The following PDCD4 variants were observed in gnomAD, a reference collection of about 807,000 sequenced individuals.
PDCD4 encodes the protein programmed cell death protein 4.
PDCD4 carries 56 observed loss-of-function variants against 54.0 expected under a neutral mutation model. That is an observed-to-expected ratio of 1.04 (90% CI 0.84 to 1.30). The LOEUF (loss-of-function observed/expected upper bound fraction) is 1.30, where lower values mean the gene tolerates loss of function less well. Ranked by LOEUF, PDCD4 falls within the 50% of genes most tolerant of loss-of-function variation. PDCD4 has a pLI of 0.00. For synonymous variants in PDCD4, 186 were observed against 194.8 expected, an observed-to-expected ratio of 0.95 and a Z score of 0.37; for missense variants, 584 against 559.8, an observed-to-expected ratio of 1.04 and a Z score of -0.44.
chr10:110,897,005 A>G (rs557330077), intron 11 of PDCD4, among the ~76,000 whole-genome samples: 2 of 152,352 alleles, frequency 1.3e-5, no homozygotes, highest in Non-Finnish European at 2.9e-5. Flanking sequence ...GGATGTGCCA[A>G]GTGATATACA....
intron 5 of PDCD4, among the ~76,000 whole-genome samples, chr10:110,886,352 G>A (rs1243614497): frequency 6.6e-6 from 1 of 152,122 alleles, no homozygotes; most frequent in Non-Finnish European, 1.5e-5. Context: ...ATGATTCTCT[G>A]CTGTCTGAAG....
At chr10:110,891,536 T>A (rs1845757068) in intron 8 of PDCD4, among the ~76,000 whole-genome samples, 1 of 151,814 alleles carries the variant, frequency 6.6e-6, no homozygotes, top group South Asian at 2.1e-4. Context: ...AAACTCCTTA[T>A]CTGCAGATCT....
At chr10:110,883,157 G>A (rs1590730857) in intron 4 of PDCD4, 60 bp downstream of exon 4, 2 of 1,104,852 alleles carry the variant, frequency 1.8e-6, no homozygotes, top group South Asian at 1.4e-5. Context: ...TTGACTTCAT[G>A]TTTGTAGTTT....
At position 110,884,294 on chromosome 10, in the gene PDCD4, G is replaced by A. The variant is rs1002081241; in HGVS notation, c.442-959G>A. Among the ~76,000 whole-genome samples, 12 of 152,220 alleles carry A rather than the reference G, an allele frequency of 7.9e-5. No homozygotes were observed. The East Asian group carries it at 1.2e-3, about 15-fold the overall frequency. ...TGAGAAAACAGTATTTATTGGGTTC[G>A]GTACTATCTGTGGTTTAAGGCATCC... On this transcript the variant is annotated intron_variant, in intron 4 of 11. Coordinates refer to ENST00000280154, the MANE Select transcript of PDCD4 (RefSeq NM_014456.5).
chr10:110,878,917 A>G (rs1458772120), intron 2 of PDCD4, among the ~76,000 whole-genome samples: 1 of 152,172 alleles, frequency 6.6e-6, no homozygotes, highest in East Asian at 1.9e-4. Context: ...TAATGATGAA[A>G]GAAACAGTAC....
At position 110,890,779 on chromosome 10, in the gene PDCD4, C is replaced by A. The variant is rs564804874; in HGVS notation, c.990+109C>A. On this transcript the variant is annotated intron_variant, in intron 8 of 11. Transcript: ENST00000280154. ...TGGACAAAAATTAAGTTCGGTCTTACAGCTGCAATTGGAAAATGAAATAAT... is the reference window on the plus strand; with the variant it reads ...TGGACAAAAATTAAGTTCGGTCTTAAAGCTGCAATTGGAAAATGAAATAAT... The A allele has an allele frequency of 5.1e-5, 26 of 506,094 alleles. 1 individual carries two copies. The highest frequency in any genetic ancestry group is 3.5e-4 in the African/African-American group (18 of 51,340). 31.4% of individuals were successfully genotyped at this position (506,094 alleles called of 1,614,324 possible). A position where few individuals can be genotyped will look rare whatever the true frequency, so the allele number is the denominator to read the frequency against.
intron 5 of PDCD4, 31 bp from the exon 6 acceptor site, chr10:110,887,634 T>G (rs1819575681): frequency 6.6e-7 from 1 of 1,526,326 alleles, no homozygotes; most frequent in Non-Finnish European, 9.0e-7. Context: ...GATACACTTT[T>G]AAAATGTTTT....
chr10:110,883,005 G>A lies in PDCD4; in HGVS notation c.349G>A (p.Gly117Ser). Residue 117 changes from glycine to serine, a missense_variant and splice_region_variant, in exon 4 of 12, where the codon GGT becomes AGT. Gly to Ser is a moderately conservative substitution (Grantham distance 56). Transcript: ENST00000280154. ...GKGRGLPKKGGAGGKGVWGTP... is the reference protein window; with the variant it reads ...GKGRGLPKKGSAGGKGVWGTP... ...TTCTCAATGCTAAACTTTTTCAGGT[G>A]GTGCAGGAGGCAAAGGTGTCTGGGG... The A allele has an allele frequency of 1.9e-6, 3 of 1,586,818 alleles. No homozygotes were observed. The highest frequency in any genetic ancestry group is 1.7e-6 in the Non-Finnish European group (2 of 1,163,302).
intron 2 of PDCD4, among the ~76,000 whole-genome samples, chr10:110,880,152 G>A (rs1232002576): frequency 6.6e-6 from 1 of 152,178 alleles, no homozygotes. Context: ...TGAGTATGAA[G>A]GACACTCTGC....
chr10:110,875,848 TTG>T (rs1845495283), intron 1 of PDCD4, 116 bp from the exon 2 acceptor site: 2 of 445,206 alleles, frequency 4.5e-6, no homozygotes, highest in Admixed American at 4.4e-5. Context: ...TTTAATGGAA[TTG>T]TGTGTTTTTT....
rs758512409 is a variant in PDCD4, at chr10:110,885,281, T to G, written c.470T>G (p.Leu157Trp). The stretch of plus-strand genomic sequence containing the variant: ...AACTGTGTTTATGAAACTGTAGTTT[T>G]GCCTTTGGATGAAAGGGCATTTGAG... ...QENCVYETVV[L>W]PLDERAFEKT... Residue 157 changes from leucine to tryptophan, a missense_variant, in exon 5 of 12, where the codon TTG becomes TGG. Physicochemically the swap from Leu to Trp is moderately conservative, Grantham distance 61. Coordinates refer to ENST00000280154, the MANE Select transcript of PDCD4 (RefSeq NM_014456.5). 1 of 1,586,346 alleles carries G rather than the reference T, an allele frequency of 6.3e-7. No homozygotes were observed. Among genetic ancestry groups the G allele is most frequent in the South Asian group, 1.1e-5 (1 of 89,908 alleles).
chr10:110,891,855 CA>C (rs1564684878), intron 8 of PDCD4, among the ~76,000 whole-genome samples: 3 of 151,854 alleles, frequency 2.0e-5, no homozygotes, highest in African/African-American at 7.3e-5. Flanking sequence ...GTCAAGATGC[CA>C]GGGCAATTAG....
chr10:110,889,176 C>T (rs551631373), intron 6 of PDCD4, among the ~76,000 whole-genome samples: 28 of 139,996 alleles, frequency 2.0e-4, no homozygotes, highest in Admixed American at 8.5e-4. Flanking sequence ...GAACTGAGAT[C>T]GTGCCACTGC....
chr10:110,881,106 G>A, intron 2 of PDCD4, 127 bp from the exon 3 acceptor site: 1 of 643,754 alleles, frequency 1.6e-6, no homozygotes, highest in Admixed American at 2.9e-5. Context: ...TTCCCAATAT[G>A]TGACTGTAAT....
intron 8 of PDCD4, among the ~76,000 whole-genome samples, chr10:110,892,054 T>C (rs2134003785): frequency 6.6e-6 from 1 of 152,284 alleles, no homozygotes; most frequent in Admixed American, 6.5e-5. Flanking sequence ...GTACACAAAA[T>C]TCAATTCTCT....
rs376713943 is a variant in PDCD4 at position 110,890,623 on chromosome 10, T to G, written c.943T>G (p.Trp315Gly). The part of the protein sequence containing the change: ...SKGGKRKDSV[W>G]GSGGGQQSVN... Reference sequence around the variant, plus strand: ...AGGTGGAAAGCGTAAAGATAGTGTGTGGGGCTCTGGAGGTGGGCAGCAATC... The same window carrying G: ...AGGTGGAAAGCGTAAAGATAGTGTGGGGGGCTCTGGAGGTGGGCAGCAATC... Residue 315 changes from tryptophan (W) to glycine (G), a missense_variant, in exon 8 of 12, where the codon TGG becomes GGG. Transcript: ENST00000280154. 1.2e-5 allele frequency: 19 copies of G among 1,613,392 alleles called. No individual in the cohort carries two copies. Among genetic ancestry groups the G allele is most frequent in the Non-Finnish European group, 1.6e-5 (19 of 1,179,608 alleles).
intron 11 of PDCD4, among the ~76,000 whole-genome samples, chr10:110,896,750 G>A (rs1845839563): frequency 6.6e-6 from 1 of 151,986 alleles, no homozygotes; most frequent in South Asian, 2.1e-4. Context: ...GCTTGTGTGG[G>A]TCAGTTTTAT....
In PDCD4 at chr10:110,894,871, TA is replaced by T. The variant is rs570002458; in HGVS notation, c.1209+354del. On this transcript the variant is annotated intron_variant, in intron 10 of 11. Transcript: ENST00000280154. ...AAATTATAAAGTACTTTTTTCCTAT[TA>T]AAAATTTTATGATTATTGTTTTAAA... is the stretch of plus-strand genomic sequence containing the variant. 1.9e-3 allele frequency among the ~76,000 whole-genome samples: 293 copies of T among 152,066 alleles called. 1 individual carries two copies. Among genetic ancestry groups the T allele is most frequent in the Middle Eastern group, 6.8e-3 (2 of 294 alleles).
chr10:110,887,474 A>G (rs1845685594), intron 5 of PDCD4, among the ~76,000 whole-genome samples, 191 bp from the exon 6 acceptor site: 1 of 152,184 alleles, frequency 6.6e-6, no homozygotes, highest in Admixed American at 6.5e-5. Context: ...AAGTGGATCA[A>G]TGTCTGATTT....
Sources: gnomAD v4.1 joint callset for allele counts (sites outside exome capture counted in the v4.1 genomes callset) on GRCh38, gnomAD v4.1.1 for gene constraint, MANE v1.5 for transcripts, NCBI Gene and HGNC (gene_info 2026-07-23, HGNC 2026-07-21) for gene names.